The following PCMTD1 variants were observed in gnomAD, a reference collection of about 807,000 sequenced individuals.
The protein encoded by PCMTD1 is protein-L-isoaspartate O-methyltransferase domain-containing protein 1.
A neutral mutation model predicts 37.6 loss-of-function variants in PCMTD1; 12 were observed. The observed-to-expected ratio is 0.32, with a 90% CI of 0.20 to 0.52. The LOEUF is 0.52. Among genes scored for constraint, PCMTD1 ranks in the 20% least tolerant of loss-of-function variants. The pLI is 0.97. For synonymous variants in PCMTD1, 117 were observed against 135.8 expected (o/e 0.86, Z 0.96); for missense variants, 235 against 421.3 (o/e 0.56, Z 3.87).
At position 51,898,465 on chromosome 8, in the gene PCMTD1, G is replaced by A. The variant is rs13252580; in HGVS notation, c.-96+465C>T. ...CGAGTCTACGTAGACTGGATTCTCT[G>A]CCTCCAAAACCAAAACAGAAGTCAC... On this transcript the variant is annotated intron_variant, in intron 1 of 5. Coordinates refer to ENST00000522514, the MANE Select transcript of PCMTD1 (RefSeq NM_052937.4). Among the ~76,000 whole-genome samples, 3 of 151,790 alleles carry A rather than the reference G, an allele frequency of 2.0e-5. No individual in the cohort carries two copies. In the South Asian group the frequency reaches 6.3e-4, roughly 32 times the overall value.
intron 1 of PCMTD1, among the ~76,000 whole-genome samples, chr8:51,884,519 A>G (rs1202518773): frequency 6.6e-6 from 1 of 152,218 alleles, no homozygotes; most frequent in African/African-American, 2.4e-5. Flanking sequence ...TGATCCCACC[A>G]GGGATTAGGC....
chr8:51,898,764 T>C (rs2039049846), intron 1 of PCMTD1, among the ~76,000 whole-genome samples, 166 bp downstream of exon 1: 2 of 149,692 alleles, frequency 1.3e-5, no homozygotes, highest in African/African-American at 4.9e-5. Context: ...GCGCCTCAGT[T>C]TCCTGGCCCC....
intron 1 of PCMTD1, among the ~76,000 whole-genome samples, chr8:51,865,053 G>C (rs2038530955): frequency 6.6e-6 from 1 of 152,096 alleles, no homozygotes; most frequent in African/African-American, 2.4e-5. Flanking sequence ...AAGAGACTAT[G>C]AACAATTATC....
intron 1 of PCMTD1, among the ~76,000 whole-genome samples, chr8:51,876,269 C>G (rs2129290604): frequency 6.6e-6 from 1 of 152,180 alleles, no homozygotes; most frequent in East Asian, 1.9e-4. Flanking sequence ...CATGGTGTTT[C>G]TGAGGGAAAA....
chr8:51,820,848 C>T lies in PCMTD1; in HGVS notation c.707-130G>A, dbSNP rs1473040599. On this transcript the variant is annotated intron_variant, in intron 5 of 5. Transcript: ENST00000522514. ...AAATACAGAAAATATGAAAACTCTACCTTTCATCTAACAAAGGTTTTGGAG... is the reference window on the plus strand; with the variant it reads ...AAATACAGAAAATATGAAAACTCTATCTTTCATCTAACAAAGGTTTTGGAG... 3.7e-6 allele frequency: 4 copies of T among 1,086,086 alleles called. No individual in the cohort carries two copies. The African/African-American group carries it at 4.8e-5, about 13-fold the overall frequency. 67.3% of individuals were successfully genotyped at this position (1,086,086 alleles called of 1,614,324 possible).
chr8:51,868,607 T>C (rs1301396901), intron 1 of PCMTD1, among the ~76,000 whole-genome samples: 1 of 152,140 alleles, frequency 6.6e-6, no homozygotes, highest in African/African-American at 2.4e-5. Flanking sequence ...TAAAGCCATA[T>C]GGAAAATTTC....
At chr8:51,842,900 T>C (rs1391283810) in intron 3 of PCMTD1, among the ~76,000 whole-genome samples, 1 of 152,162 alleles carries the variant, frequency 6.6e-6, no homozygotes. Flanking sequence ...AACGATAATC[T>C]GGTACTAAGG....
intron 1 of PCMTD1, among the ~76,000 whole-genome samples, chr8:51,890,941 G>C (rs889313428): frequency 1.3e-5 from 2 of 152,164 alleles, no homozygotes; most frequent in African/African-American, 4.8e-5. Flanking sequence ...ATTTCTAGTG[G>C]TGTTTTCATT....
At position 51,878,249 on chromosome 8, in the gene PCMTD1, G is replaced by GTT. The variant is rs1563359262; in HGVS notation, c.-95-17004_-95-17003insAA. ...TAAAATATTATGAGATTTTTTTTTT[G>GTT]GTTTTTTTTTTTTTTTAGCTCATCA... is the stretch of plus-strand genomic sequence containing the variant. On this transcript the variant is annotated intron_variant, in intron 1 of 5. Coordinates refer to ENST00000522514, the MANE Select transcript of PCMTD1 (RefSeq NM_052937.4). 1.8e-3 allele frequency among the ~76,000 whole-genome samples: 242 copies of GTT among 137,186 alleles called. 3 individuals carry two copies. The highest frequency in any genetic ancestry group is 4.9e-3 in the South Asian group (22 of 4,514). 90.0% of individuals were successfully genotyped at this position (137,186 alleles called of 152,430 possible).
intron 1 of PCMTD1, among the ~76,000 whole-genome samples, chr8:51,891,749 G>A (rs920913299): frequency 3.3e-5 from 5 of 149,464 alleles, no homozygotes; most frequent in Non-Finnish European, 7.4e-5. Context: ...GAAATAACCT[G>A]ATAAACTAGC....
chr8:51,877,503 T>C (rs1222968236), intron 1 of PCMTD1, among the ~76,000 whole-genome samples: 4 of 152,220 alleles, frequency 2.6e-5, no homozygotes, highest in Non-Finnish European at 4.4e-5. Flanking sequence ...GCTAAGAACA[T>C]AAAGTACATT....
chr8:51,857,925 G>A (rs1247163033), intron 2 of PCMTD1, among the ~76,000 whole-genome samples: 4 of 152,164 alleles, frequency 2.6e-5, no homozygotes, highest in East Asian at 1.9e-4. Flanking sequence ...CCAGTAGGTC[G>A]AAGCTGCAGT....
Position 51,898,934 on chromosome 8 carries a change from G to A in PCMTD1, c.-100C>T, listed in dbSNP as rs2039053503. 2.2e-6 allele frequency: 3 copies of A among 1,384,928 alleles called. No homozygotes were observed. Among genetic ancestry groups the A allele is most frequent in the African/African-American group, 1.5e-5 (1 of 66,602 alleles). The allele number at this position is 1,384,928 out of a possible 1,614,324, so 85.8% of individuals were successfully genotyped here. A position where few individuals can be genotyped will look rare whatever the true frequency, so the allele number is the denominator to read the frequency against. On this transcript the variant is annotated 5_prime_UTR_variant, in exon 1 of 6. Transcript: ENST00000522514. ...CCCCACTGGCGGCGGCGTTACCTGT[G>A]GCGCGGGCAGCGGCGCGCAGGCCAG... is the stretch of plus-strand genomic sequence containing the variant.
At chr8:51,823,791 C>T (rs1006637229) in intron 5 of PCMTD1, among the ~76,000 whole-genome samples, 10 of 152,120 alleles carry the variant, frequency 6.6e-5, no homozygotes, top group Admixed American at 6.5e-4. Context: ...ATGCAAAAAT[C>T]CTCAATAAAA....
chr8:51,878,619 C>T (rs992945049), intron 1 of PCMTD1, among the ~76,000 whole-genome samples: 3 of 151,798 alleles, frequency 2.0e-5, no homozygotes, highest in African/African-American at 4.8e-5. Flanking sequence ...CATGGTGGCT[C>T]GTGACTATAG....
Position 51,820,181 on chromosome 8 carries a change from TTC to T in PCMTD1, c.*168_*169del, listed in dbSNP as rs902636640. The T allele has an allele frequency of 1.6e-5, 8 of 505,914 alleles. No individual in the cohort carries two copies. The highest frequency in any genetic ancestry group is 8.0e-5 in the Admixed American group (2 of 25,082). The allele number at this position is 505,914 out of a possible 1,614,324, so 31.3% of individuals were successfully genotyped here. A position where few individuals can be genotyped will look rare whatever the true frequency, so the allele number is the denominator to read the frequency against. On this transcript the variant is annotated 3_prime_UTR_variant, in exon 6 of 6. Coordinates refer to ENST00000522514, the MANE Select transcript of PCMTD1 (RefSeq NM_052937.4). ...AGAAAAATAGATTTTATAAAAGGGATTCTTTTATTCACTGAATACATCATTTG... is the reference window on the plus strand; with the variant it reads ...AGAAAAATAGATTTTATAAAAGGGATTTTTATTCACTGAATACATCATTTG...
intron 1 of PCMTD1, among the ~76,000 whole-genome samples, chr8:51,871,660 T>G (rs545643632): frequency 6.6e-6 from 1 of 152,314 alleles, no homozygotes; most frequent in South Asian, 2.1e-4. Flanking sequence ...ACATCTTATA[T>G]TTAATATATT....
chr8:51,855,973 G>T (rs571226769), intron 2 of PCMTD1, among the ~76,000 whole-genome samples: 8 of 152,194 alleles, frequency 5.3e-5, no homozygotes, highest in African/African-American at 1.7e-4. Flanking sequence ...GGCCCAGAAT[G>T]TGTTTTATCT....
chr8:51,872,531 A>C (rs928322949), intron 1 of PCMTD1, among the ~76,000 whole-genome samples: 1 of 152,210 alleles, frequency 6.6e-6, no homozygotes, highest in Non-Finnish European at 1.5e-5. Flanking sequence ...ATAAACAAAA[A>C]TATGTTCATT....
Sources: allele counts gnomAD v4.1 joint callset (sites outside exome capture counted in the v4.1 genomes callset), GRCh38; gene constraint gnomAD v4.1.1; transcripts MANE v1.5; gene names NCBI Gene and HGNC (gene_info 2026-07-23, HGNC 2026-07-21).